The following ZNF563 variants were observed in gnomAD, a reference collection of about 807,000 sequenced individuals.
ZNF563 encodes zinc finger protein 563.
ZNF563 carries 39 observed loss-of-function variants against 48.5 expected under a neutral mutation model. The observed-to-expected ratio is 0.80, with a 90% CI of 0.62 to 1.05. The LOEUF is 1.05. Ranked by LOEUF, ZNF563 falls within the 50% of genes least tolerant of loss-of-function variation. ZNF563 has a pLI of 0.00. For missense variants in ZNF563, 538 were observed against 597.0 expected, an observed-to-expected ratio of 0.90 and a Z score of 1.03; for synonymous variants, 168 against 187.9, an observed-to-expected ratio of 0.89 and a Z score of 0.87.
intron 1 of ZNF563, among the ~76,000 whole-genome samples, chr19:12,331,709 C>T (rs1189721022): frequency 2.6e-5 from 4 of 152,164 alleles, no homozygotes; most frequent in African/African-American, 4.8e-5. Flanking sequence ...GGAGGAGTGG[C>T]CCAGGGGCTG....
At chr19:12,343,856 G>A in the ZNF563 span, among the ~76,000 whole-genome samples, 13 of 148,748 alleles carry the variant, frequency 8.7e-5, 1 homozygote, top group East Asian at 4.1e-4. Context: ...TCAGCCTCCC[G>A]AGTATCTAGG....
rs1472555319 is a variant in ZNF563, at chr19:12,318,272, C to T, written c.*322G>A. The T allele has an allele frequency of 1.2e-5, 4 of 336,960 alleles. No individual in the cohort carries two copies. The highest frequency in any genetic ancestry group is 6.9e-5 in the South Asian group (2 of 29,068). The allele number at this position is 336,960 out of a possible 1,614,324, so 20.9% of individuals were successfully genotyped here. Reference sequence around the variant, plus strand: ...CCACCCTAAGTGCTGGGATTACAGGCGTGAGCCACTGTGCCCAGCCTCATG... The same window carrying T: ...CCACCCTAAGTGCTGGGATTACAGGTGTGAGCCACTGTGCCCAGCCTCATG... On this transcript the variant is annotated 3_prime_UTR_variant, in exon 4 of 4. Transcript: ENST00000293725.
intron 1 of ZNF563, among the ~76,000 whole-genome samples, chr19:12,332,608 G>C (rs1229794030): frequency 6.6e-6 from 1 of 152,050 alleles, no homozygotes; most frequent in Admixed American, 6.6e-5. Flanking sequence ...TATGGCCCAA[G>C]ACATGGCCTT....
At chr19:12,335,733 G>C (rs1195097768), upstream of ZNF563, among the ~76,000 whole-genome samples, 1 of 152,174 alleles carries the variant, frequency 6.6e-6, no homozygotes, top group Non-Finnish European at 1.5e-5. Flanking sequence ...GAACAATCTA[G>C]ACACACAGGC....
intron 1 of ZNF563, among the ~76,000 whole-genome samples, chr19:12,332,544 T>C (rs1842064675): frequency 6.6e-6 from 1 of 152,008 alleles, no homozygotes; most frequent in South Asian, 2.1e-4. Flanking sequence ...AGAGAAGGGG[T>C]TTCGCCATCT....
At chr19:12,334,962 C>T (rs1281743178), upstream of ZNF563, among the ~76,000 whole-genome samples, 1 of 148,128 alleles carries the variant, frequency 6.8e-6, no homozygotes, top group African/African-American at 2.5e-5. Context: ...ATTTTCCTAA[C>T]ACATAAATGG....
At position 12,317,745 on chromosome 19, in the gene ZNF563, T is replaced by C. The variant is rs1167166530; in HGVS notation, c.*849A>G. 1 of 152,408 alleles carries C rather than the reference T, an allele frequency of 6.6e-6. No individual in the cohort carries two copies. The highest frequency in any genetic ancestry group is 1.5e-5 in the Non-Finnish European group (1 of 68,046). 9.4% of individuals were successfully genotyped at this position (152,408 alleles called of 1,614,324 possible). On this transcript the variant is annotated 3_prime_UTR_variant, in exon 4 of 4. Transcript: ENST00000293725. ...GGTAGAACCACGCTCCTGCAAATATTAGGGGATAACTGTATTTGAAAGAAA... is the reference window on the plus strand; with the variant it reads ...GGTAGAACCACGCTCCTGCAAATATCAGGGGATAACTGTATTTGAAAGAAA...
rs904086834 is a variant in ZNF563 at position 12,317,961 on chromosome 19, A to C, written c.*633T>G. The C allele has an allele frequency of 5.6e-6, 1 of 178,626 alleles. No homozygotes were observed. Among genetic ancestry groups the C allele is most frequent in the Non-Finnish European group, 1.3e-5 (1 of 76,042 alleles). 11.1% of individuals were successfully genotyped at this position (178,626 alleles called of 1,614,324 possible). A position where few individuals can be genotyped will look rare whatever the true frequency, so the allele number is the denominator to read the frequency against. On this transcript the variant is annotated 3_prime_UTR_variant, in exon 4 of 4. Transcript: ENST00000293725. ...CTGAGAGAACTCAATGCTTTTCTAC[A>C]TTTCTTACATTCATATGACTTCTCT...
the ZNF563 span, among the ~76,000 whole-genome samples, chr19:12,342,573 G>C: frequency 6.6e-6 from 1 of 151,144 alleles, no homozygotes; most frequent in Admixed American, 6.6e-5. Context: ...AGGAGTTTGA[G>C]ACCAGCCTGG....
the ZNF563 span, among the ~76,000 whole-genome samples, chr19:12,344,992 C>T: frequency 4.0e-5 from 6 of 150,374 alleles, no homozygotes; most frequent in African/African-American, 1.5e-4. Context: ...GTTATAAAAG[C>T]ATCAAAAAAA....
At chr19:12,338,294 C>CTGGA (rs1335150193), upstream of ZNF563, among the ~76,000 whole-genome samples, 1 of 152,158 alleles carries the variant, frequency 6.6e-6, no homozygotes, top group Non-Finnish European at 1.5e-5. Context: ...GACGCCCAGG[C>CTGGA]TGGAGTGCAG....
the ZNF563 span, chr19:12,346,640 A>G: frequency 6.6e-6 from 1 of 152,356 alleles, no homozygotes; most frequent in East Asian, 1.9e-4. Context: ...ACATAGACAT[A>G]CCACATCCAC....
chr19:12,340,995 G>A, the ZNF563 span, among the ~76,000 whole-genome samples: 2 of 151,930 alleles, frequency 1.3e-5, no homozygotes, highest in Non-Finnish European at 2.9e-5. Context: ...GGAAGGTGTA[G>A]GTGGAAATAA....
chr19:12,329,687 T>C (rs1968878127), intron 1 of ZNF563, among the ~76,000 whole-genome samples: 1 of 152,102 alleles, frequency 6.6e-6, no homozygotes, highest in African/African-American at 2.4e-5. Flanking sequence ...ACCAATTTCA[T>C]AGAAGACACA....
At position 12,333,411 on chromosome 19, in the gene ZNF563, C is replaced by T. The variant is rs548587427; in HGVS notation, c.3+69G>A. On this transcript the variant is annotated intron_variant, in intron 1 of 3. Coordinates refer to ENST00000293725, the MANE Select transcript of ZNF563 (RefSeq NM_145276.3). ...GACGGCGGGGGAGGCCCACGTTCGC[C>T]GCGGCCGGTTCTGGACGGTTCCAAC... 2.5e-5 allele frequency: 40 copies of T among 1,578,302 alleles called. No individual in the cohort carries two copies. In the African/African-American group the frequency reaches 2.7e-4, roughly 11 times the overall value.
the ZNF563 span, among the ~76,000 whole-genome samples, chr19:12,338,900 T>C: frequency 2.0e-5 from 3 of 152,072 alleles, no homozygotes; most frequent in African/African-American, 7.2e-5. Context: ...TACAGTCTAT[T>C]GAAGCCTTGA....
upstream of ZNF563, among the ~76,000 whole-genome samples, chr19:12,337,008 G>A (rs1445328209): frequency 1.3e-5 from 2 of 152,168 alleles, no homozygotes; most frequent in East Asian, 3.9e-4. Context: ...CTTGGGTGAG[G>A]ACACATCCAT....
upstream of ZNF563, among the ~76,000 whole-genome samples, chr19:12,337,122 C>G (rs373301501): frequency 5.9e-5 from 9 of 152,296 alleles, no homozygotes; most frequent in Admixed American, 2.6e-4. Context: ...CTGGAGGTCT[C>G]AGCACAACCC....
At chr19:12,324,059 C>T (rs1458155075) in intron 1 of ZNF563, among the ~76,000 whole-genome samples, 1 of 152,050 alleles carries the variant, frequency 6.6e-6, no homozygotes, top group Admixed American at 6.6e-5. Flanking sequence ...ACCTAAATAA[C>T]CAAAAATTTC....
Sources: gnomAD v4.1 joint callset for allele counts (sites outside exome capture counted in the v4.1 genomes callset) on GRCh38, gnomAD v4.1.1 for gene constraint, MANE v1.5 for transcripts, NCBI Gene and HGNC (gene_info 2026-07-23, HGNC 2026-07-21) for gene names.